PSMB7: variants seen among roughly 807,000 people sequenced by gnomAD.
PSMB7 encodes the protein proteasome subunit beta type-7.
In PSMB7, 5 loss-of-function variants were observed where a neutral mutation model predicts 28.1. That is an observed-to-expected ratio of 0.18 (90% CI 0.09 to 0.37). The LOEUF (loss-of-function observed/expected upper bound fraction) is 0.37, where lower values mean the gene tolerates loss of function less well. Among genes scored for constraint, PSMB7 ranks in the 10% least tolerant of loss-of-function variants. The probability of loss-of-function intolerance (pLI) is 1.00; values close to 1 mark genes in which losing one functional copy is unlikely to be tolerated. For missense variants in PSMB7, 275 were observed against 346.2 expected (o/e 0.79, Z 1.63); for synonymous variants, 122 against 123.7 (o/e 0.99, Z 0.09).
At chr9:124,373,375 G>T (rs1588571291) in intron 6 of PSMB7, among the ~76,000 whole-genome samples, 1 of 152,110 alleles carries the variant, frequency 6.6e-6, no homozygotes, top group East Asian at 1.9e-4. Flanking sequence ...AATTATTGGG[G>T]AAAACTGATA....
At chr9:124,408,919 GC>G (rs1353233822) in intron 4 of PSMB7, among the ~76,000 whole-genome samples, 5 of 151,992 alleles carry the variant, frequency 3.3e-5, no homozygotes, top group Admixed American at 1.3e-4. Context: ...ATTTTGAAAT[GC>G]CCTAGTATAG....
intron 6 of PSMB7, among the ~76,000 whole-genome samples, chr9:124,373,756 A>G (rs1434937093): frequency 6.6e-6 from 1 of 152,234 alleles, no homozygotes; most frequent in Non-Finnish European, 1.5e-5. Flanking sequence ...GATATATGGA[A>G]GGATATATGG....
intron 6 of PSMB7, among the ~76,000 whole-genome samples, chr9:124,359,369 ACAAT>A (rs539134922): frequency 6.6e-5 from 10 of 152,284 alleles, no homozygotes; most frequent in South Asian, 4.1e-4. Flanking sequence ...GCTCACTAAA[ACAAT>A]CAATCAATCA....
At position 124,414,948 on chromosome 9, in the gene PSMB7, G is replaced by C; in HGVS notation, c.63-13C>G. On this transcript the variant is annotated splice_polypyrimidine_tract_variant and intron_variant, in intron 1 of 7. Coordinates refer to ENST00000259457, the MANE Select transcript of PSMB7 (RefSeq NM_002799.4). ...CAAGACGGCATTCCTAAGAGCAAAT[G>C]AGAGAATCAAGTGTTGAAGGGCAGG... 1.9e-6 allele frequency: 3 copies of C among 1,591,004 alleles called. No homozygotes were observed. In the South Asian group the frequency reaches 3.3e-5, roughly 18 times the overall value.
chr9:124,359,555 C>T (rs1830448138), intron 6 of PSMB7, among the ~76,000 whole-genome samples: 1 of 152,186 alleles, frequency 6.6e-6, no homozygotes, highest in African/African-American at 2.4e-5. Context: ...GTAAAACAGG[C>T]CCATCAGGCC....
chr9:124,404,398 T>C (rs1024333128), intron 5 of PSMB7, among the ~76,000 whole-genome samples: 1 of 152,220 alleles, frequency 6.6e-6, no homozygotes, highest in African/African-American at 2.4e-5. Context: ...ATATCATCTG[T>C]ATTACTTTTT....
intron 6 of PSMB7, among the ~76,000 whole-genome samples, chr9:124,374,237 G>T (rs1185199790): frequency 2.0e-5 from 3 of 152,164 alleles, no homozygotes; most frequent in Admixed American, 2.0e-4. Context: ...AAGGTTGGGG[G>T]AAAATGGGGA....
At chr9:124,412,637 C>T in intron 3 of PSMB7, 145 bp from the exon 4 acceptor site, 3 of 782,888 alleles carry the variant, frequency 3.8e-6, no homozygotes, top group Non-Finnish European at 3.9e-6. Context: ...TCTGTTTAGT[C>T]AACCTTAAAT....
intron 6 of PSMB7, among the ~76,000 whole-genome samples, chr9:124,374,651 C>T (rs528201117): frequency 3.9e-5 from 6 of 152,176 alleles, no homozygotes; most frequent in East Asian, 1.9e-4. Context: ...ATAGTGAGAC[C>T]GCTTATCTAA....
At chr9:124,412,576 T>TG in intron 3 of PSMB7, 84 bp from the exon 4 acceptor site, 1 of 1,428,544 alleles carries the variant, frequency 7.0e-7, no homozygotes, top group Non-Finnish European at 9.7e-7. Context: ...ATAACTTCCA[T>TG]GAAGTTCAGG....
chr9:124,376,116 G>C (rs775636650), intron 6 of PSMB7, among the ~76,000 whole-genome samples: 1 of 151,714 alleles, frequency 6.6e-6, no homozygotes, highest in Non-Finnish European at 1.5e-5. Flanking sequence ...GGGAAAAAAA[G>C]AGCACCTCAT....
chr9:124,377,153 A>G (rs1171211404), intron 6 of PSMB7, among the ~76,000 whole-genome samples: 1 of 152,202 alleles, frequency 6.6e-6, no homozygotes, highest in Non-Finnish European at 1.5e-5. Context: ...ATTTTGTGTG[A>G]GCCACCATCT....
At chr9:124,396,901 T>C (rs2131171235) in intron 5 of PSMB7, 1 of 442,558 alleles carries the variant, frequency 2.3e-6, no homozygotes, top group Non-Finnish European at 4.6e-6. Context: ...GAACCCACAT[T>C]ATGTCTATAA....
chr9:124,372,199 C>T (rs537486669), intron 6 of PSMB7, among the ~76,000 whole-genome samples: 10 of 152,240 alleles, frequency 6.6e-5, no homozygotes, highest in Non-Finnish European at 1.2e-4. Flanking sequence ...ACAACAGCCT[C>T]TCTCAGTACT....
chr9:124,364,230 C>G (rs1342678939), intron 6 of PSMB7, among the ~76,000 whole-genome samples: 2 of 152,124 alleles, frequency 1.3e-5, no homozygotes, highest in Non-Finnish European at 2.9e-5. Flanking sequence ...CTGATGCACT[C>G]AAAGGCACAA....
chr9:124,402,815 T>C (rs995714819), intron 5 of PSMB7, among the ~76,000 whole-genome samples: 6 of 152,256 alleles, frequency 3.9e-5, no homozygotes, highest in East Asian at 1.9e-4. Context: ...AGATACCTAA[T>C]ACCTTTGAAT....
At chr9:124,359,331 G>A (rs1183375341) in intron 6 of PSMB7, among the ~76,000 whole-genome samples, 1 of 152,172 alleles carries the variant, frequency 6.6e-6, no homozygotes, top group Non-Finnish European at 1.5e-5. Context: ...GAGATGGAAT[G>A]AAACTTAGAT....
intron 6 of PSMB7, among the ~76,000 whole-genome samples, chr9:124,366,721 A>C (rs1182796877): frequency 6.6e-6 from 1 of 152,258 alleles, no homozygotes. Flanking sequence ...TGCCCTAGAC[A>C]GATACACCAT....
intron 6 of PSMB7, among the ~76,000 whole-genome samples, chr9:124,358,079 ACGAGGG>A (rs1830431007): frequency 6.6e-6 from 1 of 152,216 alleles, no homozygotes; most frequent in African/African-American, 2.4e-5. Context: ...TTCCCAGTCC[ACGAGGG>A]CGTGAGAGTA....
Sources: allele counts gnomAD v4.1 joint callset (sites outside exome capture counted in the v4.1 genomes callset), GRCh38; gene constraint gnomAD v4.1.1; transcripts MANE v1.5; gene names NCBI Gene and HGNC (gene_info 2026-07-23, HGNC 2026-07-21).